Variants in LRCH3 observed in about 807,000 individuals in gnomAD.
LRCH3 encodes the protein DISP complex protein LRCH3.
A neutral mutation model predicts 104.5 loss-of-function variants in LRCH3; 68 were observed. The ratio of observed to expected loss-of-function variants is 0.65; its 90% CI spans 0.54 to 0.80. LRCH3 has a LOEUF of 0.80. LRCH3 is among the 30% of genes least tolerant of loss of function. The pLI, the probability that LRCH3 is intolerant of heterozygous loss-of-function variation, is 0.00. For synonymous variants in LRCH3, 344 were observed against 361.3 expected (o/e 0.95, Z 0.54); for missense variants, 951 against 953.9 (o/e 1.00, Z 0.04).
At chr3:197,816,904 T>G (rs1733865486) in intron 2 of LRCH3, among the ~76,000 whole-genome samples, 1 of 152,110 alleles carries the variant, frequency 6.6e-6, no homozygotes, top group Non-Finnish European at 1.5e-5. Context: ...ACAAAGGAGT[T>G]ATATTCTGCA....
chr3:197,848,117 G>A (rs969847010), intron 12 of LRCH3, 96 bp downstream of exon 12: 61 of 1,273,102 alleles, frequency 4.8e-5, no homozygotes, highest in Non-Finnish European at 4.3e-5. Context: ...TTAAAATGTC[G>A]ACCATTTTTC....
Position 197,883,796 on chromosome 3 carries a change from C to T in LRCH3, c.*130C>T. 3 of 992,802 alleles carry T rather than the reference C, an allele frequency of 3.0e-6. No homozygotes were observed. The highest frequency in any genetic ancestry group is 2.7e-6 in the Non-Finnish European group (2 of 743,460). 61.5% of individuals were successfully genotyped at this position (992,802 alleles called of 1,614,324 possible). A position where few individuals can be genotyped will look rare whatever the true frequency, so the allele number is the denominator to read the frequency against. On this transcript the variant is annotated 3_prime_UTR_variant, in exon 21 of 21. Transcript: ENST00000425562. This position sits in a 1 kb window ranked among gnomAD's most constrained non-coding sequence, Gnocchi z 4.2. ...AAGGGACCGTTCCCATGATTCCTAACAGGAATATTTTGCTTCATTTCTCCA... is the reference window on the plus strand; with the variant it reads ...AAGGGACCGTTCCCATGATTCCTAATAGGAATATTTTGCTTCATTTCTCCA...
At position 197,873,476 on chromosome 3, in the gene LRCH3, C is replaced by G. The variant is rs553459583; in HGVS notation, c.2130+2014C>G. ...GTCGTGTGGTTCACACTTGTGAGCT[C>G]CCTGTGGGATCAAGCTGAAGCTGAG... On this transcript the variant is annotated intron_variant, in intron 19 of 20. Coordinates refer to ENST00000425562, the MANE Select transcript of LRCH3 (RefSeq NM_001365715.1). Among the ~76,000 whole-genome samples the G allele has an allele frequency of 9.9e-5, 15 of 152,178 alleles. No homozygotes were observed. The South Asian group carries it at 3.1e-3, about 32-fold the overall frequency.
chr3:197,882,265 C>T, intron 20 of LRCH3: 1 of 985,418 alleles, frequency 1.0e-6, no homozygotes, highest in South Asian at 4.7e-5. Flanking sequence ...GAAAGCACGT[C>T]TCTTCCGACA....
chr3:197,838,856 G>C (rs777339520), intron 9 of LRCH3, among the ~76,000 whole-genome samples: 35 of 152,258 alleles, frequency 2.3e-4, no homozygotes, highest in Non-Finnish European at 4.7e-4. Context: ...TATGATAAGA[G>C]ACAATTTGTT....
At chr3:197,881,340 G>A (rs1713749556) in intron 20 of LRCH3, 1 of 988,320 alleles carries the variant, frequency 1.0e-6, no homozygotes, top group Non-Finnish European at 1.2e-6. Context: ...TGGTCAGAAT[G>A]TTCAGTTTGA....
intron 10 of LRCH3, among the ~76,000 whole-genome samples, chr3:197,840,090 A>G (rs894016028): frequency 2.6e-5 from 4 of 152,152 alleles, no homozygotes; most frequent in Admixed American, 6.5e-5. Context: ...ATGTATCACC[A>G]GTCCTGTCTC....
intron 16 of LRCH3, 64 bp from the exon 17 acceptor site, chr3:197,866,048 C>A: frequency 8.7e-7 from 1 of 1,148,918 alleles, no homozygotes; most frequent in South Asian, 1.3e-5. Context: ...ACTTTTGTAA[C>A]TTGTATGTCT....
intron 20 of LRCH3, among the ~76,000 whole-genome samples, chr3:197,879,432 G>A (rs531972930): frequency 0.014 from 2,044 of 151,158 alleles, 67 homozygotes; most frequent in African/African-American, 0.048. Context: ...GGATCACGAG[G>A]TCAGGAGATC....
chr3:197,860,560 T>A lies in LRCH3; in HGVS notation c.1716+1655T>A, dbSNP rs75547696. ...CAGCCTGGGACAGTGCAAGACTGTG[T>A]CTCTAAAAACATTAAAACCGAATTC... On this transcript the variant is annotated intron_variant, in intron 15 of 20. Transcript: ENST00000425562. Among the ~76,000 whole-genome samples, 38 of 152,118 alleles carry A rather than the reference T, an allele frequency of 2.5e-4. 1 individual carries two copies. In the East Asian group the frequency reaches 6.2e-3, roughly 25 times the overall value.
intron 1 of LRCH3, among the ~76,000 whole-genome samples, chr3:197,792,047 G>A (rs904251332): frequency 1.3e-5 from 2 of 151,828 alleles, no homozygotes; most frequent in African/African-American, 4.8e-5. Context: ...GAAGTGTTGG[G>A]GTGTGTGTGT....
chr3:197,879,831 CT>C (rs778621543), intron 20 of LRCH3, among the ~76,000 whole-genome samples: 5,103 of 141,836 alleles, frequency 0.036, 255 homozygotes, highest in African/African-American at 0.11. Context: ...TTCTGACCTA[CT>C]TTTTTTTTTT....
At chr3:197,813,583 T>G (rs1372561528) in intron 1 of LRCH3, among the ~76,000 whole-genome samples, 3 of 125,898 alleles carry the variant, frequency 2.4e-5, no homozygotes, top group African/African-American at 8.7e-5. Flanking sequence ...CAGGCTGGAG[T>G]ACAGTGGCTC....
intron 8 of LRCH3, among the ~76,000 whole-genome samples, chr3:197,835,024 A>T (rs969216551): frequency 2.0e-5 from 3 of 152,034 alleles, no homozygotes; most frequent in Non-Finnish European, 4.4e-5. Context: ...CACACCTGTA[A>T]TCCCAGCTAC....
chr3:197,843,399 C>G (rs1317133886), intron 10 of LRCH3, among the ~76,000 whole-genome samples: 1 of 151,996 alleles, frequency 6.6e-6, no homozygotes, highest in African/African-American at 2.4e-5. Flanking sequence ...AATCCCAGCA[C>G]TATACTGGCC....
chr3:197,883,194 AT>A lies in LRCH3; in HGVS notation c.2209-343del. 1.8e-5 allele frequency: 18 copies of A among 995,816 alleles called. No homozygotes were observed. Among genetic ancestry groups the A allele is most frequent in the Non-Finnish European group, 2.2e-5 (18 of 837,030 alleles). 61.7% of individuals were successfully genotyped at this position (995,816 alleles called of 1,614,324 possible). ...TTGTTTTTCTATTTTTCACCTGCCT[AT>A]TTTATAGACCTGTATTGACCTTTTA... On this transcript the variant is annotated intron_variant, in intron 20 of 20. Transcript: ENST00000425562. This position sits in a 1 kb window ranked among gnomAD's most constrained non-coding sequence, Gnocchi z 4.2.
rs374114726 is a variant in LRCH3 at position 197,832,252 on chromosome 3, A to G, written c.1037A>G (p.Gln346Arg). The G allele has an allele frequency of 1.9e-6, 3 of 1,613,912 alleles. No individual in the cohort carries two copies. In the African/African-American group the frequency reaches 4.0e-5, roughly 22 times the overall value. Reference protein sequence around the residue: ...PLRVAEITKEQRLRRESQYQE... With the variant: ...PLRVAEITKERRLRRESQYQE... The stretch of plus-strand genomic sequence containing the variant: ...CGAGTAGCAGAGATTACTAAAGAAC[A>G]AAGACTACGAAGAGAAAGCCAGTAC... Residue 346 changes from glutamine to arginine, a missense_variant, in exon 8 of 21, where the codon CAA becomes CGA. Coordinates refer to ENST00000425562, the MANE Select transcript of LRCH3 (RefSeq NM_001365715.1).
At chr3:197,798,567 A>G (rs1731530992) in intron 1 of LRCH3, among the ~76,000 whole-genome samples, 3 of 152,210 alleles carry the variant, frequency 2.0e-5, no homozygotes, top group South Asian at 2.1e-4. Flanking sequence ...GAGAATTAAA[A>G]TTTTCAAGAA....
At chr3:197,882,657 A>G in intron 20 of LRCH3, 1 of 979,890 alleles carries the variant, frequency 1.0e-6, no homozygotes, top group Non-Finnish European at 1.2e-6. Context: ...TAATCTTAAC[A>G]GAAAGCTAGT....
Sources: gnomAD v4.1 joint callset for allele counts (sites outside exome capture counted in the v4.1 genomes callset) on GRCh38, gnomAD v4.1.1 for gene constraint, Gnocchi (gnomAD v3.1) non-coding constraint, MANE v1.5 for transcripts, NCBI Gene and HGNC (gene_info 2026-07-23, HGNC 2026-07-21) for gene names.